Variants in UVRAG observed in about 807,000 individuals in gnomAD.
The protein encoded by UVRAG is UV radiation resistance associated.
A neutral mutation model predicts 78.0 loss-of-function variants in UVRAG; 19 were observed. That is an observed-to-expected ratio of 0.24 (90% CI 0.17 to 0.36). UVRAG has a LOEUF of 0.36. Among genes scored for constraint, UVRAG ranks in the 10% least tolerant of loss-of-function variants. The probability of loss-of-function intolerance (pLI) is 1.00; values close to 1 mark genes in which losing one functional copy is unlikely to be tolerated. For synonymous variants in UVRAG, 323 were observed against 324.6 expected, an observed-to-expected ratio of 1.00 and a Z score of 0.05; for missense variants, 740 against 853.8, an observed-to-expected ratio of 0.87 and a Z score of 1.66.
Position 76,065,784 on chromosome 11 carries a change from C to A in UVRAG, c.1301C>A (p.Ala434Glu). The A allele has an allele frequency of 6.2e-7, 1 of 1,613,390 alleles. No individual in the cohort carries two copies. The highest frequency in any genetic ancestry group is 8.5e-7 in the Non-Finnish European group (1 of 1,179,558). ...YGVYLLNKNI[A>E]QLRYQHGLGT... ...GTCTATCTTCTGAACAAAAATATAG[C>A]ACAGGTAAGTCTCTGTTCTTCACTT... Residue 434 changes from alanine (A) to glutamate (E), a missense_variant, in exon 13 of 15, where the codon GCA becomes GAA. Ala to Glu is a moderately radical substitution (Grantham distance 107). Coordinates refer to ENST00000356136, the MANE Select transcript of UVRAG (RefSeq NM_003369.4).
intron 12 of UVRAG, among the ~76,000 whole-genome samples, chr11:76,039,730 C>A (rs930063055): frequency 2.0e-5 from 3 of 152,104 alleles, no homozygotes. Context: ...CAAAAATTAG[C>A]CGGATGTGGG....
At chr11:75,993,587 C>T (rs906875956) in intron 8 of UVRAG, among the ~76,000 whole-genome samples, 1 of 152,074 alleles carries the variant, frequency 6.6e-6, no homozygotes, top group African/African-American at 2.4e-5. Flanking sequence ...ACACAACCCC[C>T]AAATCTTTGA....
chr11:76,060,661 G>C (rs752148365), intron 12 of UVRAG, among the ~76,000 whole-genome samples: 3 of 152,212 alleles, frequency 2.0e-5, no homozygotes, highest in Admixed American at 2.0e-4. Context: ...ACTCGGAGTG[G>C]CCGGCCGGCC....
At chr11:76,021,376 A>T (rs1464479160) in intron 12 of UVRAG, among the ~76,000 whole-genome samples, 1 of 152,024 alleles carries the variant, frequency 6.6e-6, no homozygotes, top group East Asian at 1.9e-4. Context: ...TAATGTCCCC[A>T]CTTTCATTTC....
In UVRAG at chr11:75,912,022, T is replaced by C. The variant is rs905962437; in HGVS notation, c.576T>C (p.Asp192=). Residue 192 remains aspartate (D), a synonymous_variant, in exon 6 of 15, where the codon GAT becomes GAC. Transcript: ENST00000356136. ...AGAACTGTGTTCGCAATTCTTACGA[T>C]GTCTTCTCTTTGCTACGGTAAGAAA... The part of the protein sequence containing the change: ...VDQNCVRNSY[D]VFSLLRLHRA... 7 of 1,612,076 alleles carry C rather than the reference T, an allele frequency of 4.3e-6. No individual in the cohort carries two copies. The highest frequency in any genetic ancestry group is 3.3e-5 in the South Asian group (3 of 91,010).
chr11:76,093,030 A>T (rs910585846), intron 13 of UVRAG, among the ~76,000 whole-genome samples: 5 of 152,134 alleles, frequency 3.3e-5, no homozygotes, highest in Non-Finnish European at 7.4e-5. Flanking sequence ...TAAGGAAGGG[A>T]TCCAGTTTCA....
chr11:75,977,028 A>G (rs1949258767), intron 7 of UVRAG, among the ~76,000 whole-genome samples: 1 of 152,174 alleles, frequency 6.6e-6, no homozygotes, highest in Non-Finnish European at 1.5e-5. Flanking sequence ...TCCCCTCTAA[A>G]CAGTGCTTTA....
intron 12 of UVRAG, among the ~76,000 whole-genome samples, chr11:76,054,119 T>C (rs548861566): frequency 6.6e-6 from 1 of 152,298 alleles, no homozygotes; most frequent in East Asian, 1.9e-4. Context: ...TCACACTCTT[T>C]TTTTAACCCT....
rs572212198 is a variant in UVRAG at position 75,830,791 on chromosome 11, A to G, written c.117+15267A>G. ...CTTTTGTCTCGAATACTTTCATTCT[A>G]CAAATACTGTGTTCAGCTCTGTTCT... is the stretch of plus-strand genomic sequence containing the variant. On this transcript the variant is annotated intron_variant, in intron 1 of 14. Coordinates refer to ENST00000356136, the MANE Select transcript of UVRAG (RefSeq NM_003369.4). Among the ~76,000 whole-genome samples the G allele has an allele frequency of 3.3e-5, 5 of 152,296 alleles. No homozygotes were observed. The South Asian group carries it at 6.2e-4, about 19-fold the overall frequency.
chr11:76,098,930 G>A (rs1367566127), intron 13 of UVRAG, among the ~76,000 whole-genome samples: 2 of 152,074 alleles, frequency 1.3e-5, no homozygotes, highest in Non-Finnish European at 2.9e-5. Context: ...TCCTCAGCCA[G>A]TCCACTACTC....
intron 8 of UVRAG, among the ~76,000 whole-genome samples, chr11:75,991,502 C>T (rs1017480567): frequency 6.6e-6 from 1 of 152,006 alleles, no homozygotes; most frequent in African/African-American, 2.4e-5. Context: ...ACTACAATAA[C>T]TTTATGAGGT....
At chr11:76,087,084 T>C (rs1951601132) in intron 13 of UVRAG, among the ~76,000 whole-genome samples, 1 of 152,242 alleles carries the variant, frequency 6.6e-6, no homozygotes, top group South Asian at 2.1e-4. Flanking sequence ...ACTTGGAGAT[T>C]TGCTGCCTAT....
At chr11:75,969,930 C>G (rs997143922) in intron 7 of UVRAG, among the ~76,000 whole-genome samples, 1 of 152,162 alleles carries the variant, frequency 6.6e-6, no homozygotes, top group Admixed American at 6.5e-5. Flanking sequence ...ATCCTGGATC[C>G]TGGTAACCTA....
At chr11:76,102,326 C>A (rs982267587) in intron 13 of UVRAG, among the ~76,000 whole-genome samples, 2 of 152,072 alleles carry the variant, frequency 1.3e-5, no homozygotes, top group Non-Finnish European at 2.9e-5. Flanking sequence ...GCATTTTATT[C>A]TTTTGGTGGC....
intron 8 of UVRAG, among the ~76,000 whole-genome samples, chr11:76,003,257 A>ATTTTTTTTTTTTT (rs398045280): frequency 1.1e-4 from 6 of 53,786 alleles, no homozygotes; most frequent in African/African-American, 4.7e-4. Context: ...GAAAATACTG[A>ATTTTTTTTTTTTT]TTTTTTTTTT....
At chr11:76,044,804 T>G (rs992980586) in intron 12 of UVRAG, among the ~76,000 whole-genome samples, 1 of 151,690 alleles carries the variant, frequency 6.6e-6, no homozygotes. Flanking sequence ...AGAAAAAAAA[T>G]TTTAAAAAGC....
chr11:75,950,890 A>G (rs542876932), intron 6 of UVRAG, among the ~76,000 whole-genome samples: 1 of 150,416 alleles, frequency 6.6e-6, no homozygotes, highest in Non-Finnish European at 1.5e-5. Flanking sequence ...ATTCTCAATT[A>G]TTGGGTTGTT....
intron 6 of UVRAG, among the ~76,000 whole-genome samples, chr11:75,956,421 C>G (rs1477001357): frequency 7.0e-6 from 1 of 142,134 alleles, no homozygotes; most frequent in Non-Finnish European, 1.5e-5. Context: ...GAATCTTGCT[C>G]TGTCGCCAGG....
At chr11:75,899,550 TAGC>T (rs1361146422) in intron 5 of UVRAG, among the ~76,000 whole-genome samples, 2 of 152,122 alleles carry the variant, frequency 1.3e-5, no homozygotes, top group African/African-American at 2.4e-5. Flanking sequence ...AGGTGGTGAA[TAGC>T]AGATCCATGA....
Sources: allele counts gnomAD v4.1 joint callset (sites outside exome capture counted in the v4.1 genomes callset), GRCh38; gene constraint gnomAD v4.1.1; transcripts MANE v1.5; gene names NCBI Gene and HGNC (gene_info 2026-07-23, HGNC 2026-07-21).